The following CECR2 variants were observed in gnomAD, a reference collection of about 807,000 sequenced individuals.
CECR2 encodes the protein chromatin remodeling regulator CECR2.
In CECR2, 30 loss-of-function variants were observed where a neutral mutation model predicts 154.5. That is an observed-to-expected ratio of 0.19 (90% confidence interval 0.15 to 0.26). CECR2 has a LOEUF of 0.26. Among genes scored for constraint, CECR2 ranks in the 10% least tolerant of loss-of-function variants. CECR2 has a pLI of 1.00. For synonymous variants in CECR2, 725 were observed against 683.7 expected (o/e 1.06, Z -0.94); for missense variants, 1,743 against 1,829.3 (o/e 0.95, Z 0.86).
Position 17,548,571 on chromosome 22 carries a change from G to A in CECR2, c.3284G>A (p.Gly1095Glu), listed in dbSNP as rs373078553. Residue 1095 changes from glycine (G) to glutamate (E), a missense_variant, in exon 17 of 19, where the codon GGA (glycine) becomes GAA (glutamate). Physicochemically the swap from Gly to Glu is moderately conservative, Grantham distance 98. Coordinates refer to ENST00000262608, the MANE Select transcript of CECR2 (RefSeq NM_001290047.2). The part of the protein sequence containing the change: ...RTLQETMPCT[G>E]QNAATPPSTD... ...TTGCAGGAAACCATGCCATGCACGG[G>A]ACAGAACGCAGCGACACCGCCCAGC... The A allele has an allele frequency of 1.0e-4, 166 of 1,613,588 alleles. No individual in the cohort carries two copies. The highest frequency in any genetic ancestry group is 1.3e-4 in the Admixed American group (8 of 59,940).
At chr22:17,398,194 A>G (rs1448066639) in intron 1 of CECR2, among the ~76,000 whole-genome samples, 5 of 149,630 alleles carry the variant, frequency 3.3e-5, no homozygotes, top group Non-Finnish European at 7.4e-5. Context: ...GCATTTTGGT[A>G]TAACAAAGTG....
chr22:17,373,488 G>A (rs1354224326), intron 1 of CECR2, among the ~76,000 whole-genome samples: 6 of 152,156 alleles, frequency 3.9e-5, no homozygotes, highest in African/African-American at 7.2e-5. Flanking sequence ...AAAGTTAACT[G>A]TTAACATTGT....
intron 14 of CECR2, among the ~76,000 whole-genome samples, 175 bp from the exon 15 acceptor site, chr22:17,541,664 A>G (rs999441463): frequency 6.6e-6 from 1 of 152,336 alleles, no homozygotes; most frequent in Admixed American, 6.5e-5. Flanking sequence ...CTTCAGGCTC[A>G]TAGGCAAGCC....
chr22:17,437,416 G>C (rs2054522972), intron 1 of CECR2, among the ~76,000 whole-genome samples: 1 of 152,096 alleles, frequency 6.6e-6, no homozygotes, highest in South Asian at 2.1e-4. Context: ...TGGACTCCAG[G>C]AGCAAATGTT....
chr22:17,403,174 T>C (rs1407399242), intron 1 of CECR2, among the ~76,000 whole-genome samples: 1 of 152,244 alleles, frequency 6.6e-6, no homozygotes, highest in Non-Finnish European at 1.5e-5. Context: ...TTGAATCTAA[T>C]ACTGTTTACT....
chr22:17,413,053 G>A (rs935097292), intron 1 of CECR2, among the ~76,000 whole-genome samples: 3 of 152,152 alleles, frequency 2.0e-5, no homozygotes, highest in African/African-American at 4.8e-5. Context: ...CTCTTGGGGC[G>A]CACATGCCTT....
At chr22:17,483,736 TA>T (rs1228841435) in intron 2 of CECR2, among the ~76,000 whole-genome samples, 1 of 152,242 alleles carries the variant, frequency 6.6e-6, no homozygotes, top group African/African-American at 2.4e-5. Flanking sequence ...AGGTTTTTTT[TA>T]AAATAAACAT....
At chr22:17,439,427 G>C (rs2054552496) in intron 1 of CECR2, among the ~76,000 whole-genome samples, 1 of 152,010 alleles carries the variant, frequency 6.6e-6, no homozygotes, top group Non-Finnish European at 1.5e-5. Flanking sequence ...TAAGAAAAAA[G>C]TATTTGCAAA....
chr22:17,393,897 T>TC (rs1417222886), intron 1 of CECR2, among the ~76,000 whole-genome samples: 4 of 151,430 alleles, frequency 2.6e-5, no homozygotes, highest in Non-Finnish European at 5.9e-5. Context: ...CATTTTTTTT[T>TC]TTTTTTTGAG....
intron 7 of CECR2, 71 bp downstream of exon 7, chr22:17,505,087 G>T: frequency 6.9e-7 from 1 of 1,448,912 alleles, no homozygotes; most frequent in Admixed American, 2.0e-5. Context: ...GATTATTCAT[G>T]AGACCTTCCC....
At chr22:17,370,113 G>T (rs2063037378) in intron 1 of CECR2, among the ~76,000 whole-genome samples, 2 of 151,152 alleles carry the variant, frequency 1.3e-5, no homozygotes, top group South Asian at 4.1e-4. Context: ...CGTCGGGCCG[G>T]GGACGCCGGA....
At chr22:17,476,044 C>A (rs537444417) in intron 1 of CECR2, among the ~76,000 whole-genome samples, 3 of 151,344 alleles carry the variant, frequency 2.0e-5, no homozygotes. Context: ...TATTCAGGAT[C>A]GCCTGTCAAT....
At chr22:17,450,431 C>T (rs879572553) in intron 1 of CECR2, among the ~76,000 whole-genome samples, 115 of 152,074 alleles carry the variant, frequency 7.6e-4, no homozygotes, top group African/African-American at 2.6e-3. Flanking sequence ...CCACCATGCC[C>T]GGCTAATTTT....
intron 9 of CECR2, 124 bp from the exon 10 acceptor site, chr22:17,536,979 G>A (rs1035260583): frequency 2.7e-6 from 3 of 1,098,760 alleles, no homozygotes; most frequent in Admixed American, 2.8e-5. Flanking sequence ...GGCACAGGGA[G>A]CAGAAGTTGC....
chr22:17,549,482 C>T lies in CECR2; in HGVS notation c.4195C>T (p.His1399Tyr). The T allele has an allele frequency of 3.7e-6, 6 of 1,610,112 alleles. No homozygotes were observed. Among genetic ancestry groups the T allele is most frequent in the Non-Finnish European group, 5.1e-6 (6 of 1,178,096 alleles). The change falls in exon 17 of 19, where the codon CAC becomes TAC. Residue 1399 changes from histidine (H) to tyrosine (Y), a missense_variant. His to Tyr is a moderately conservative substitution (Grantham distance 83). Transcript: ENST00000262608. Reference sequence around the variant, plus strand: ...TCGCTGCCAGGAAGAAGGCCTGGGTCACTTTCAAGCTGTGATGATGGAACA... The same window carrying T: ...TCGCTGCCAGGAAGAAGGCCTGGGTTACTTTCAAGCTGTGATGATGGAACA... ...IYRCQEEGLGHFQAVMMEQIG... is the reference protein window; with the variant it reads ...IYRCQEEGLGYFQAVMMEQIG...
intron 1 of CECR2, chr22:17,424,280 C>T (rs186079703): frequency 8.2e-4 from 125 of 152,750 alleles, no homozygotes; most frequent in Non-Finnish European, 1.3e-3. Context: ...TTTTAATGAC[C>T]AAGTCTAAGG....
intron 2 of CECR2, among the ~76,000 whole-genome samples, chr22:17,484,131 C>G (rs1023727207): frequency 2.6e-5 from 4 of 152,188 alleles, no homozygotes; most frequent in Admixed American, 1.3e-4. Context: ...TCCACAGCAA[C>G]AGAATCACCT....
At chr22:17,537,428 G>C (rs62241411) in intron 10 of CECR2, among the ~76,000 whole-genome samples, 196 bp downstream of exon 10, 10,270 of 152,218 alleles carry the variant, frequency 0.067, 518 homozygotes, top group African/African-American at 0.14. Flanking sequence ...GCCACACTCT[G>C]TGATACTTAA....
chr22:17,495,861 CAAAAAAAAA>C (rs10558473), intron 2 of CECR2, among the ~76,000 whole-genome samples: 4 of 67,222 alleles, frequency 6.0e-5, no homozygotes, highest in African/African-American at 6.0e-5. Flanking sequence ...GACTCTGTCT[CAAAAAAAAA>C]AAAAAAAAAA....
Sources: gnomAD v4.1 joint callset for allele counts (sites outside exome capture counted in the v4.1 genomes callset) on GRCh38, gnomAD v4.1.1 for gene constraint, MANE v1.5 for transcripts, NCBI Gene and HGNC (gene_info 2026-07-23, HGNC 2026-07-21) for gene names.